The following PTPRJ variants were observed in gnomAD, a reference collection of about 807,000 sequenced individuals.
PTPRJ encodes the protein protein tyrosine phosphatase receptor type J.
A neutral mutation model predicts 141.3 loss-of-function variants in PTPRJ; 129 were observed. The ratio of observed to expected loss-of-function variants is 0.91; its 90% confidence interval spans 0.79 to 1.06. The LOEUF is 1.06. Ranked by LOEUF, PTPRJ falls within the 50% of genes least tolerant of loss-of-function variation. The pLI is 0.00. For missense variants in PTPRJ, 1,601 were observed against 1,679.7 expected (o/e 0.95, Z 0.82); for synonymous variants, 610 against 640.5 (o/e 0.95, Z 0.72).
chr11:48,100,177 C>T, intron 1 of PTPRJ, among the ~76,000 whole-genome samples: 1 of 152,192 alleles, frequency 6.6e-6, no homozygotes, highest in Non-Finnish European at 1.5e-5. Context: ...CAGAAGGAGA[C>T]AAGAATGTAG....
chr11:48,140,348 G>A (rs544289317), intron 11 of PTPRJ, among the ~76,000 whole-genome samples: 5 of 152,298 alleles, frequency 3.3e-5, no homozygotes, highest in African/African-American at 7.2e-5. Flanking sequence ...GCCCACATCT[G>A]TTGGTGGCTT....
intron 1 of PTPRJ, among the ~76,000 whole-genome samples, chr11:48,100,325 C>G (rs1856119852): frequency 6.6e-6 from 1 of 152,114 alleles, no homozygotes; most frequent in African/African-American, 2.4e-5. Flanking sequence ...AGTGAGGCAG[C>G]TCACCTCTCC....
chr11:48,002,192 C>T lies in PTPRJ; in HGVS notation c.96+21184C>T, dbSNP rs191528641. On this transcript the variant is annotated intron_variant, in intron 1 of 24. Coordinates refer to ENST00000418331, the MANE Select transcript of PTPRJ (RefSeq NM_002843.4). ...TCGCTCTGTCACCCAGGCTGGAGTG[C>T]GGTGGCGCCATCTCAGCTCACTGCA... Among the ~76,000 whole-genome samples, 29 of 146,454 alleles carry T rather than the reference C, an allele frequency of 2.0e-4. No individual in the cohort carries two copies. The East Asian group carries it at 5.1e-3, about 26-fold the overall frequency.
chr11:48,087,762 G>A (rs1855753985), intron 1 of PTPRJ, among the ~76,000 whole-genome samples: 1 of 152,146 alleles, frequency 6.6e-6, no homozygotes, highest in African/African-American at 2.4e-5. Flanking sequence ...TGTGAAAGTG[G>A]GATACCTACC....
At chr11:47,997,343 A>G (rs970722243) in intron 1 of PTPRJ, among the ~76,000 whole-genome samples, 1 of 152,222 alleles carries the variant, frequency 6.6e-6, no homozygotes, top group Non-Finnish European at 1.5e-5. Flanking sequence ...CTGTCCTCTC[A>G]TTCTCATGGG....
chr11:48,011,426 G>A (rs867275709), intron 1 of PTPRJ, among the ~76,000 whole-genome samples: 1 of 152,236 alleles, frequency 6.6e-6, no homozygotes, highest in Admixed American at 6.5e-5. Flanking sequence ...AAGTAATGCC[G>A]ATCAGGGGCT....
chr11:48,057,423 A>G (rs1428973786), intron 1 of PTPRJ, among the ~76,000 whole-genome samples: 1 of 152,046 alleles, frequency 6.6e-6, no homozygotes, highest in African/African-American at 2.4e-5. Context: ...TATCACCTTT[A>G]CTCCTGATAC....
At chr11:48,095,683 G>T (rs1191355248) in intron 1 of PTPRJ, among the ~76,000 whole-genome samples, 3 of 151,274 alleles carry the variant, frequency 2.0e-5, no homozygotes, top group African/African-American at 4.9e-5. Context: ...AGGTTCAAGT[G>T]ATTTCTCCTG....
intron 1 of PTPRJ, among the ~76,000 whole-genome samples, chr11:48,061,079 C>T (rs911379871): frequency 1.3e-5 from 2 of 152,268 alleles, no homozygotes; most frequent in Admixed American, 6.5e-5. Context: ...ATCGTTCAAG[C>T]GATTCTTCTG....
At chr11:48,154,777 T>C (rs1200424578) in intron 19 of PTPRJ, among the ~76,000 whole-genome samples, 2 of 152,242 alleles carry the variant, frequency 1.3e-5, no homozygotes, top group African/African-American at 4.8e-5. Context: ...TATTGGCCCA[T>C]GTTCTGAGGG....
intron 1 of PTPRJ, 66 bp downstream of exon 1, chr11:47,981,074 G>A (rs1853890357): frequency 8.4e-7 from 1 of 1,195,442 alleles, no homozygotes; most frequent in Non-Finnish European, 1.0e-6. Context: ...GACTGCACCT[G>A]CCCGAGCGTA....
At chr11:48,064,974 G>C (rs913335269) in intron 1 of PTPRJ, among the ~76,000 whole-genome samples, 1 of 148,040 alleles carries the variant, frequency 6.8e-6, no homozygotes, top group Non-Finnish European at 1.5e-5. Context: ...CACAGCACCA[G>C]TGGGGCTGAG....
rs538024606 is a variant in PTPRJ, at chr11:48,099,436, G to A, written c.97-10622G>A. ...GTCGTTAGTTTACATATCATCGATG[G>A]CTGGTTTCGCAGTACAAGGGCACAG... On this transcript the variant is annotated intron_variant, in intron 1 of 24. Coordinates refer to ENST00000418331, the MANE Select transcript of PTPRJ (RefSeq NM_002843.4). Among the ~76,000 whole-genome samples the A allele has an allele frequency of 3.3e-5, 5 of 152,300 alleles. No individual in the cohort carries two copies. In the South Asian group the frequency reaches 1.0e-3, roughly 32 times the overall value.
intron 1 of PTPRJ, among the ~76,000 whole-genome samples, chr11:48,096,373 G>A (rs1229972166): frequency 6.6e-6 from 1 of 152,118 alleles, no homozygotes; most frequent in Non-Finnish European, 1.5e-5. Flanking sequence ...TGCGAAGGCC[G>A]ATGGGATTGT....
At chr11:47,981,672 C>T (rs1853912706) in intron 1 of PTPRJ, among the ~76,000 whole-genome samples, 2 of 152,176 alleles carry the variant, frequency 1.3e-5, no homozygotes, top group African/African-American at 4.8e-5. Flanking sequence ...GCTCCCCCTC[C>T]CCACCCCACC....
At chr11:48,084,645 G>A (rs1855649685) in intron 1 of PTPRJ, among the ~76,000 whole-genome samples, 1 of 152,200 alleles carries the variant, frequency 6.6e-6, no homozygotes, top group Non-Finnish European at 1.5e-5. Flanking sequence ...ATTGGCTGAA[G>A]CAGACGAGCT....
chr11:47,992,160 G>T (rs1265718320), intron 1 of PTPRJ, among the ~76,000 whole-genome samples: 1 of 151,790 alleles, frequency 6.6e-6, no homozygotes. Flanking sequence ...TACGTTCATA[G>T]TATAGGCCAC....
intron 10 of PTPRJ, among the ~76,000 whole-genome samples, chr11:48,137,873 C>T (rs910300997): frequency 6.6e-6 from 1 of 152,144 alleles, no homozygotes; most frequent in Non-Finnish European, 1.5e-5. Flanking sequence ...TGATGCCCAG[C>T]CTTTGCATCC....
chr11:48,145,107 C>T lies in PTPRJ; in HGVS notation c.2894C>T (p.Ser965Phe), dbSNP rs1487716243. 3.1e-6 allele frequency: 5 copies of T among 1,614,106 alleles called. No homozygotes were observed. The South Asian group carries it at 4.4e-5, about 14-fold the overall frequency. Residue 965 changes from serine (S) to phenylalanine (F), a missense_variant, in exon 14 of 25, where the codon TCC becomes TTC. Transcript: ENST00000418331. ...TTCAGTCGCTACTCAGATGCTGTTT[C>T]CTTGCCCCAGGATCCAGGTAGGGAG... ...VSFSRYSDAV[S>F]LPQDPGVICG...
Sources: gnomAD v4.1 joint callset for allele counts (sites outside exome capture counted in the v4.1 genomes callset) on GRCh38, gnomAD v4.1.1 for gene constraint, MANE v1.5 for transcripts, NCBI Gene and HGNC (gene_info 2026-07-23, HGNC 2026-07-21) for gene names.